GABBR2: variants seen among roughly 807,000 people sequenced by gnomAD.
GABBR2 encodes gamma-aminobutyric acid type B receptor subunit 2, also known as G-protein coupled receptor 51.
Under a neutral mutation model 105.6 loss-of-function variants are expected in GABBR2, and 23 were observed. The ratio of observed to expected loss-of-function variants is 0.22; its 90% CI spans 0.16 to 0.31. The LOEUF (loss-of-function observed/expected upper bound fraction) is 0.31, where lower values mean the gene tolerates loss of function less well. Among genes scored for constraint, GABBR2 ranks in the 10% least tolerant of loss-of-function variants. The pLI is 1.00. For missense variants in GABBR2, 734 were observed against 1,245.5 expected (o/e 0.59, Z 6.18); for synonymous variants, 478 against 499.7 (o/e 0.96, Z 0.58).
chr9:98,415,010 C>A (rs2131545184), intron 7 of GABBR2, among the ~76,000 whole-genome samples: 1 of 152,174 alleles, frequency 6.6e-6, no homozygotes, highest in South Asian at 2.1e-4. Flanking sequence ...GTTAGTCCAC[C>A]AAGATTCTCA....
chr9:98,337,927 CAGG>C (rs1310654706), intron 13 of GABBR2, among the ~76,000 whole-genome samples: 1 of 152,118 alleles, frequency 6.6e-6, no homozygotes, highest in Non-Finnish European at 1.5e-5. Context: ...GAGGCTGAGG[CAGG>C]AGAATTGCTT....
chr9:98,489,323 G>A (rs920690761), intron 4 of GABBR2, among the ~76,000 whole-genome samples: 1 of 152,150 alleles, frequency 6.6e-6, no homozygotes, highest in Non-Finnish European at 1.5e-5. Context: ...TGATAAGATG[G>A]AGAGAGAGAA....
intron 1 of GABBR2, among the ~76,000 whole-genome samples, chr9:98,677,180 C>T (rs1218844940): frequency 6.6e-6 from 1 of 152,242 alleles, no homozygotes; most frequent in African/African-American, 2.4e-5. Context: ...CCAAGTCTTA[C>T]CATCTGCAGC....
At chr9:98,672,881 T>G (rs1830423384) in intron 1 of GABBR2, among the ~76,000 whole-genome samples, 2 of 152,232 alleles carry the variant, frequency 1.3e-5, no homozygotes. Flanking sequence ...TCTGGGAGAT[T>G]TGGCAATTTC....
At chr9:98,544,960 C>T (rs1828372807) in intron 2 of GABBR2, among the ~76,000 whole-genome samples, 2 of 152,182 alleles carry the variant, frequency 1.3e-5, no homozygotes. Context: ...GCCTCCTATG[C>T]TCACCAGTGG....
At chr9:98,691,961 T>C (rs981916482) in intron 1 of GABBR2, among the ~76,000 whole-genome samples, 3 of 152,228 alleles carry the variant, frequency 2.0e-5, no homozygotes, top group Admixed American at 6.5e-5. Context: ...TTGACACTAT[T>C]ATGACACTTA....
chr9:98,577,228 A>ATGGATGGATGGATGGATGGAT (rs769775744), intron 2 of GABBR2, among the ~76,000 whole-genome samples: 2 of 151,222 alleles, frequency 1.3e-5, no homozygotes, highest in African/African-American at 2.4e-5. Flanking sequence ...GGATGGATGG[A>ATGGATGGATGGATGGATGGAT]GCAAAAAAGT....
chr9:98,472,662 G>A (rs963732625), intron 6 of GABBR2, among the ~76,000 whole-genome samples: 6 of 152,186 alleles, frequency 3.9e-5, no homozygotes, highest in Admixed American at 2.0e-4. Flanking sequence ...GCAGAGGCTT[G>A]GAGAACTCAG....
intron 13 of GABBR2, among the ~76,000 whole-genome samples, chr9:98,332,113 C>A (rs531144664): frequency 5.3e-5 from 8 of 152,264 alleles, no homozygotes; most frequent in African/African-American, 1.9e-4. Flanking sequence ...TGGCTTCTCA[C>A]CTCTGAGCCC....
intron 13 of GABBR2, among the ~76,000 whole-genome samples, chr9:98,349,299 C>G (rs1221816455): frequency 8.4e-6 from 1 of 119,536 alleles, no homozygotes; most frequent in Non-Finnish European, 1.7e-5. Context: ...GGTGTATTAT[C>G]TTTTTGATGT....
intron 1 of GABBR2, among the ~76,000 whole-genome samples, chr9:98,663,478 G>A (rs1011980477): frequency 1.3e-5 from 2 of 151,946 alleles, no homozygotes; most frequent in East Asian, 1.9e-4. Flanking sequence ...CATAATTAGC[G>A]GCAAGGTCAG....
intron 5 of GABBR2, among the ~76,000 whole-genome samples, chr9:98,480,254 G>T (rs1380473679): frequency 6.6e-6 from 1 of 152,122 alleles, no homozygotes; most frequent in Non-Finnish European, 1.5e-5. Flanking sequence ...AACTGACTTA[G>T]TTCCTGTGTT....
chr9:98,333,614 G>A (rs1400441688), intron 13 of GABBR2, among the ~76,000 whole-genome samples: 4 of 152,112 alleles, frequency 2.6e-5, no homozygotes, highest in Admixed American at 1.3e-4. Context: ...GGGCCCATCC[G>A]GGTAATCCAA....
chr9:98,592,522 C>T (rs1455117970), intron 1 of GABBR2, among the ~76,000 whole-genome samples: 3 of 152,154 alleles, frequency 2.0e-5, no homozygotes, highest in African/African-American at 7.2e-5. Flanking sequence ...GCTTAACTGA[C>T]AAGTTCAAGA....
intron 7 of GABBR2, among the ~76,000 whole-genome samples, chr9:98,435,693 C>T (rs981946432): frequency 6.6e-6 from 1 of 152,198 alleles, no homozygotes; most frequent in Non-Finnish European, 1.5e-5. Flanking sequence ...AGGTGCCACA[C>T]TTTCTCTAAC....
At chr9:98,366,692 G>A (rs1006923967) in intron 12 of GABBR2, among the ~76,000 whole-genome samples, 2 of 152,294 alleles carry the variant, frequency 1.3e-5, no homozygotes, top group South Asian at 4.2e-4. Context: ...GGTGCCCCTG[G>A]GGCTGAGCTC....
At chr9:98,546,765 C>CAAAT (rs376705372) in intron 2 of GABBR2, among the ~76,000 whole-genome samples, 6,082 of 130,440 alleles carry the variant, frequency 0.047, 1,103 homozygotes, top group East Asian at 0.09. Flanking sequence ...TTTATCATCT[C>CAAAT]ATTGGCCATC....
chr9:98,434,664 G>A (rs189946118), intron 7 of GABBR2, among the ~76,000 whole-genome samples: 21 of 152,294 alleles, frequency 1.4e-4, no homozygotes, highest in African/African-American at 5.1e-4. Context: ...TACAGCAAGT[G>A]TCAGAACAGC....
At chr9:98,442,384 C>T (rs1826048338) in intron 7 of GABBR2, among the ~76,000 whole-genome samples, 1 of 152,134 alleles carries the variant, frequency 6.6e-6, no homozygotes, top group African/African-American at 2.4e-5. Context: ...GATTCTTTTG[C>T]CCCCTAATGG....
Sources: gnomAD v4.1 joint callset for allele counts (sites outside exome capture counted in the v4.1 genomes callset) on GRCh38, gnomAD v4.1.1 for gene constraint, MANE v1.5 for transcripts, NCBI Gene and HGNC (gene_info 2026-07-23, HGNC 2026-07-21) for gene names.